The following PPP3CA variants were observed in gnomAD, a reference collection of about 807,000 sequenced individuals.
PPP3CA encodes CAM-PRP catalytic subunit.
PPP3CA carries 14 observed loss-of-function variants against 66.5 expected under a neutral mutation model. That is an observed-to-expected ratio of 0.21 (90% CI 0.14 to 0.33). PPP3CA has a LOEUF of 0.33. Ranked by LOEUF, PPP3CA falls within the 10% of genes least tolerant of loss-of-function variation. PPP3CA has a pLI of 1.00. For missense variants in PPP3CA, 317 were observed against 639.5 expected, an observed-to-expected ratio of 0.50 and a Z score of 5.44; for synonymous variants, 232 against 226.2, an observed-to-expected ratio of 1.03 and a Z score of -0.23.
intron 11 of PPP3CA, among the ~76,000 whole-genome samples, chr4:101,036,309 T>C (rs1467481497): frequency 1.3e-5 from 2 of 152,220 alleles, no homozygotes; most frequent in African/African-American, 4.8e-5. Flanking sequence ...ATTCTTTATT[T>C]TTCTCCTCTC....
At chr4:101,256,381 G>A (rs1310747527) in intron 1 of PPP3CA, among the ~76,000 whole-genome samples, 1 of 151,912 alleles carries the variant, frequency 6.6e-6, no homozygotes, top group Non-Finnish European at 1.5e-5. Context: ...ATCACTGGCT[G>A]GATGATTTAC....
chr4:101,200,797 G>T lies in PPP3CA; in HGVS notation c.59-4681C>A, dbSNP rs189748643. Reference sequence around the variant, plus strand: ...CCTCTCATACTAAATAAAAGGAAGTGAAGTCCAGAGAGAGGATGAGTGAAT... The same window carrying T: ...CCTCTCATACTAAATAAAAGGAAGTTAAGTCCAGAGAGAGGATGAGTGAAT... On this transcript the variant is annotated intron_variant, in intron 1 of 13. Coordinates refer to ENST00000394854, the MANE Select transcript of PPP3CA (RefSeq NM_000944.5). Among the ~76,000 whole-genome samples, 6 of 152,254 alleles carry T rather than the reference G, an allele frequency of 3.9e-5. No individual in the cohort carries two copies. In the East Asian group the frequency reaches 1.2e-3, roughly 29 times the overall value.
At chr4:101,095,901 C>T (rs1193962975) in intron 5 of PPP3CA, among the ~76,000 whole-genome samples, 2 of 152,170 alleles carry the variant, frequency 1.3e-5, no homozygotes, top group African/African-American at 2.4e-5. Flanking sequence ...CCACTTGCCT[C>T]GGCCTCCCAA....
At chr4:101,106,235 C>G in intron 3 of PPP3CA, among the ~76,000 whole-genome samples, 1 of 151,342 alleles carries the variant, frequency 6.6e-6, no homozygotes, top group East Asian at 1.9e-4. Flanking sequence ...GCGGGAGGAT[C>G]ACTTGAGACA....
Position 101,155,018 on chromosome 4 carries a change from T to C in PPP3CA, c.259+40898A>G, listed in dbSNP as rs528406046. Among the ~76,000 whole-genome samples the C allele has an allele frequency of 5.9e-5, 9 of 152,216 alleles. No individual in the cohort carries two copies. The East Asian group carries it at 1.7e-3, about 30-fold the overall frequency. On this transcript the variant is annotated intron_variant, in intron 2 of 13. Coordinates refer to ENST00000394854, the MANE Select transcript of PPP3CA (RefSeq NM_000944.5). ...TTTTAGTAGAGACGGGGTTTCACCA[T>C]GTTGGCCAGGATGTTCTCAATTTCT...
rs141098990 is a variant in PPP3CA at position 101,202,559 on chromosome 4, C to T, written c.59-6443G>A. Among the ~76,000 whole-genome samples the T allele has an allele frequency of 2.4e-3, 358 of 152,184 alleles. 3 individuals carry two copies. The highest frequency in any genetic ancestry group is 0.01 in the Middle Eastern group (3 of 294). ...CTGGGAGAGAGAGCTAAAAATTAAC[C>T]ACAGCTAGCCCCTAAGAACTGTAAG... is the stretch of plus-strand genomic sequence containing the variant. On this transcript the variant is annotated intron_variant, in intron 1 of 13. Coordinates refer to ENST00000394854, the MANE Select transcript of PPP3CA (RefSeq NM_000944.5).
chr4:101,282,992 T>A (rs1727734156), intron 1 of PPP3CA, among the ~76,000 whole-genome samples: 1 of 152,216 alleles, frequency 6.6e-6, no homozygotes, highest in African/African-American at 2.4e-5. Context: ...TAATAAGAGT[T>A]AATTTTATAG....
chr4:101,149,560 T>C (rs954266609), intron 2 of PPP3CA, among the ~76,000 whole-genome samples: 18 of 152,190 alleles, frequency 1.2e-4, no homozygotes, highest in African/African-American at 4.1e-4. Context: ...CTTTGTGTTG[T>C]ACACACTGCT....
intron 1 of PPP3CA, among the ~76,000 whole-genome samples, chr4:101,290,038 A>G (rs1727973400): frequency 6.6e-6 from 1 of 152,168 alleles, no homozygotes; most frequent in African/African-American, 2.4e-5. Context: ...ACATGCATGT[A>G]ATGAAGACTG....
At chr4:101,248,845 A>C (rs908930909) in intron 1 of PPP3CA, among the ~76,000 whole-genome samples, 4 of 152,236 alleles carry the variant, frequency 2.6e-5, no homozygotes, top group African/African-American at 7.2e-5. Context: ...AGAGAATCTT[A>C]AGTGTTAAAC....
At chr4:101,343,543 T>G (rs1453163048) in intron 1 of PPP3CA, among the ~76,000 whole-genome samples, 4 of 151,980 alleles carry the variant, frequency 2.6e-5, no homozygotes, top group Non-Finnish European at 1.5e-5. Context: ...ACCATATTAT[T>G]TTGATTTCCA....
intron 2 of PPP3CA, among the ~76,000 whole-genome samples, chr4:101,168,867 T>C (rs1723780481): frequency 6.6e-6 from 1 of 152,224 alleles, no homozygotes; most frequent in Admixed American, 6.5e-5. Context: ...CAGTCTTTTG[T>C]ATCTGCTTAC....
chr4:101,127,106 C>A (rs1722268968), intron 2 of PPP3CA, among the ~76,000 whole-genome samples: 1 of 152,076 alleles, frequency 6.6e-6, no homozygotes, highest in South Asian at 2.1e-4. Context: ...TTGGGTGTAT[C>A]ATTTATTCAG....
At chr4:101,103,252 G>A (rs1730525211) in intron 3 of PPP3CA, among the ~76,000 whole-genome samples, 1 of 152,096 alleles carries the variant, frequency 6.6e-6, no homozygotes, top group African/African-American at 2.4e-5. Context: ...ACAGCTTTAG[G>A]TACATATTAA....
At chr4:101,237,100 C>T (rs1222093989) in intron 1 of PPP3CA, among the ~76,000 whole-genome samples, 3 of 149,846 alleles carry the variant, frequency 2.0e-5, no homozygotes, top group Non-Finnish European at 4.4e-5. Context: ...GTTATTTTAA[C>T]TATGATTGAA....
intron 10 of PPP3CA, among the ~76,000 whole-genome samples, chr4:101,060,254 A>T (rs903488613): frequency 2.6e-5 from 4 of 151,960 alleles, no homozygotes; most frequent in Admixed American, 6.6e-5. Flanking sequence ...CACATGGCTA[A>T]TTTTTTGTAG....
chr4:101,172,588 C>T (rs952034282), intron 2 of PPP3CA, among the ~76,000 whole-genome samples: 6 of 152,078 alleles, frequency 3.9e-5, no homozygotes. Context: ...TAAAACGAGT[C>T]TTTGTCCCCC....
chr4:101,318,332 C>T (rs116622406), intron 1 of PPP3CA, among the ~76,000 whole-genome samples: 1,944 of 152,154 alleles, frequency 0.013, 48 homozygotes, highest in African/African-American at 0.045. Flanking sequence ...TATTAAATTC[C>T]TTTTAGAAAG....
intron 1 of PPP3CA, among the ~76,000 whole-genome samples, chr4:101,281,940 AT>A (rs1168782511): frequency 1.3e-5 from 2 of 152,204 alleles, no homozygotes; most frequent in Non-Finnish European, 2.9e-5. Context: ...TGCATTCAAC[AT>A]ACATTCAGTT....
Sources: gnomAD v4.1 joint callset for allele counts (sites outside exome capture counted in the v4.1 genomes callset) on GRCh38, gnomAD v4.1.1 for gene constraint, MANE v1.5 for transcripts, NCBI Gene and HGNC (gene_info 2026-07-23, HGNC 2026-07-21) for gene names.